Variants in NFATC1 observed in about 807,000 individuals in gnomAD.
NFATC1 encodes nuclear factor of activated T cells 1, also known as nuclear factor of activated T-cells, cytoplasmic 1.
Under a neutral mutation model 76.0 loss-of-function variants are expected in NFATC1, and 22 were observed. The ratio of observed to expected loss-of-function variants is 0.29; its 90% CI spans 0.21 to 0.41. The LOEUF is 0.41. Ranked by LOEUF, NFATC1 falls within the 10% of genes least tolerant of loss-of-function variation. The pLI is 1.00. For synonymous variants in NFATC1, 704 were observed against 613.1 expected (o/e 1.15, Z -2.19); for missense variants, 1,357 against 1,337.7 (o/e 1.01, Z -0.23).
chr18:79,501,412 A>C (rs561328591), intron 9 of NFATC1, among the ~76,000 whole-genome samples: 22 of 152,340 alleles, frequency 1.4e-4, no homozygotes, highest in African/African-American at 4.6e-4. Context: ...CTTTTCCCCT[A>C]GGATGAGGAA....
chr18:79,440,261 A>G (rs1458357825), intron 3 of NFATC1, among the ~76,000 whole-genome samples: 1 of 152,200 alleles, frequency 6.6e-6, no homozygotes, highest in Non-Finnish European at 1.5e-5. Flanking sequence ...GGCCGTTGCT[A>G]GTGACCTCTC....
At chr18:79,434,249 C>A (rs2086695251) in intron 3 of NFATC1, among the ~76,000 whole-genome samples, 1 of 152,206 alleles carries the variant, frequency 6.6e-6, no homozygotes, top group Non-Finnish European at 1.5e-5. Flanking sequence ...CACATCCCTG[C>A]CGGGGTAGGC....
At chr18:79,419,375 C>T (rs2085987127) in intron 2 of NFATC1, among the ~76,000 whole-genome samples, 3 of 151,938 alleles carry the variant, frequency 2.0e-5, no homozygotes, top group Admixed American at 6.5e-5. Context: ...ACCGAGTGCC[C>T]GGGAGCCCCC....
intron 3 of NFATC1, among the ~76,000 whole-genome samples, chr18:79,439,409 G>A (rs1411280179): frequency 6.7e-6 from 1 of 149,750 alleles, no homozygotes; most frequent in Non-Finnish European, 1.5e-5. Context: ...AAACTAAAGT[G>A]CAGGTCTGAC....
chr18:79,463,810 CCGCACATGCACG>C (rs2088280032), intron 7 of NFATC1, among the ~76,000 whole-genome samples: 1 of 152,226 alleles, frequency 6.6e-6, no homozygotes, highest in South Asian at 2.1e-4. Context: ...TTCGCCAGCC[CCGCACATGCACG>C]CGGGTTGCGG....
intron 3 of NFATC1, among the ~76,000 whole-genome samples, chr18:79,434,430 C>G (rs992791009): frequency 2.0e-5 from 3 of 152,246 alleles, no homozygotes; most frequent in African/African-American, 7.2e-5. Context: ...CTGCACAGAG[C>G]CATGCTCCCT....
chr18:79,449,194 C>T (rs1303651423), intron 4 of NFATC1, among the ~76,000 whole-genome samples: 1 of 152,244 alleles, frequency 6.6e-6, no homozygotes, highest in Non-Finnish European at 1.5e-5. Flanking sequence ...TATATTGCCA[C>T]TTAAAATGTC....
At chr18:79,478,997 C>T (rs982628379) in intron 8 of NFATC1, among the ~76,000 whole-genome samples, 1 of 152,196 alleles carries the variant, frequency 6.6e-6, no homozygotes, top group Non-Finnish European at 1.5e-5. Context: ...CTGGGGCTGC[C>T]GTGGACGATG....
chr18:79,475,803 C>G (rs2089043335), intron 8 of NFATC1, among the ~76,000 whole-genome samples: 1 of 152,226 alleles, frequency 6.6e-6, no homozygotes. Context: ...CAGCAAGACG[C>G]CAGGCATCCT....
intron 6 of NFATC1, among the ~76,000 whole-genome samples, chr18:79,457,676 A>G (rs2087810459): frequency 6.6e-6 from 1 of 152,182 alleles, no homozygotes; most frequent in African/African-American, 2.4e-5. Context: ...TCTTGTCCCC[A>G]GAAAGAAACC....
At chr18:79,432,112 C>G (rs977231558) in intron 2 of NFATC1, among the ~76,000 whole-genome samples, 2 of 152,240 alleles carry the variant, frequency 1.3e-5, no homozygotes, top group African/African-American at 4.8e-5. Context: ...TGCTCTGCGA[C>G]TGCATCGCAT....
At chr18:79,398,992 G>A (rs1172225438) in intron 1 of NFATC1, among the ~76,000 whole-genome samples, 2 of 152,208 alleles carry the variant, frequency 1.3e-5, no homozygotes, top group African/African-American at 4.8e-5. Context: ...GCTTGAACTC[G>A]GAAGGCGGAG....
intron 2 of NFATC1, among the ~76,000 whole-genome samples, chr18:79,413,017 A>G (rs1408526339): frequency 1.3e-5 from 2 of 152,164 alleles, no homozygotes; most frequent in Non-Finnish European, 2.9e-5. Flanking sequence ...AAATTTAAGA[A>G]CTGTTTTTGC....
chr18:79,524,943 A>G lies in NFATC1; in HGVS notation c.2783-2585A>G, dbSNP rs1286334784. On this transcript the variant is annotated intron_variant, in intron 9 of 9. Transcript: ENST00000427363. This position sits in a 1 kb window ranked among gnomAD's most constrained non-coding sequence, Gnocchi z 7.2. ...GTCCCACGAACACGATGGAGACCTCAGACGCCGTCCCCACCCTGTCACTGT... is the reference window on the plus strand; with the variant it reads ...GTCCCACGAACACGATGGAGACCTCGGACGCCGTCCCCACCCTGTCACTGT... 6.6e-6 allele frequency among the ~76,000 whole-genome samples: 1 copy of G among 151,888 alleles called. No individual in the cohort carries two copies. Among genetic ancestry groups the G allele is most frequent in the Non-Finnish European group, 1.5e-5 (1 of 67,924 alleles).
At position 79,486,875 on chromosome 18, in the gene NFATC1, C is replaced by T; in HGVS notation, c.2720C>T (p.Ala907Val). The T allele has an allele frequency of 2.5e-6, 4 of 1,611,204 alleles. No individual in the cohort carries two copies. The highest frequency in any genetic ancestry group is 3.4e-6 in the Non-Finnish European group (4 of 1,179,240). ...EVHEDGSPNL[A>V]PIPVTVKREP... is the part of the protein sequence containing the mutation. ...CATGAGGACGGTAGTCCTAATTTGG[C>T]CCCTATTCCTGTAACGGTCAAGCGA... The change falls in exon 9 of 10, where the codon GCC (alanine) becomes GTC (valine). Residue 907 changes from alanine (A) to valine (V), a missense_variant. This residue lies in a region of NFATC1 where 424 missense variants were observed against 395.4 expected (regional missense o/e 1.07). Coordinates refer to ENST00000427363, the MANE Select transcript of NFATC1 (RefSeq NM_001278669.2).
Position 79,465,239 on chromosome 18 carries a change from C to T in NFATC1, c.1960-2211C>T, listed in dbSNP as rs941015611. Reference sequence around the variant, plus strand: ...GTGTATTTAAGTGGCAGTGCTCCCACGGAGATAGTATTTTTGTCATATAAT... The same window carrying T: ...GTGTATTTAAGTGGCAGTGCTCCCATGGAGATAGTATTTTTGTCATATAAT... On this transcript the variant is annotated intron_variant, in intron 7 of 9. Coordinates refer to ENST00000427363, the MANE Select transcript of NFATC1 (RefSeq NM_001278669.2). This position sits in a 1 kb window ranked among gnomAD's most constrained non-coding sequence, Gnocchi z 4.2. 6.6e-6 allele frequency among the ~76,000 whole-genome samples: 1 copy of T among 152,178 alleles called. No individual in the cohort carries two copies. Among genetic ancestry groups the T allele is most frequent in the East Asian group, 1.9e-4 (1 of 5,194 alleles).
intron 6 of NFATC1, among the ~76,000 whole-genome samples, chr18:79,457,844 G>A (rs1419981129): frequency 6.6e-6 from 1 of 152,204 alleles, no homozygotes; most frequent in Non-Finnish European, 1.5e-5. Context: ...CTTCTGTGGA[G>A]CGTGGCATCC....
intron 8 of NFATC1, among the ~76,000 whole-genome samples, chr18:79,480,661 C>CCAG (rs2089240648): frequency 6.6e-6 from 1 of 152,158 alleles, no homozygotes; most frequent in South Asian, 2.1e-4. Flanking sequence ...CGTTCTCCAG[C>CCAG]CAGCAGCAGC....
intron 2 of NFATC1, among the ~76,000 whole-genome samples, chr18:79,420,132 G>A (rs2086021125): frequency 6.6e-6 from 1 of 152,214 alleles, no homozygotes; most frequent in Non-Finnish European, 1.5e-5. Flanking sequence ...GCACTGGGCT[G>A]TGCGACAGAT....
Sources: allele counts gnomAD v4.1 joint callset (sites outside exome capture counted in the v4.1 genomes callset), GRCh38; gene constraint gnomAD v4.1.1; regional missense constraint gnomAD v4.1.1; non-coding constraint Gnocchi (gnomAD v3.1); transcripts MANE v1.5; gene names NCBI Gene and HGNC (gene_info 2026-07-23, HGNC 2026-07-21).